RUNDC3A: variants seen among roughly 807,000 people sequenced by gnomAD.
RUNDC3A encodes RUN domain containing 3A.
RUNDC3A carries 28 observed loss-of-function variants against 53.9 expected under a neutral mutation model. The ratio of observed to expected loss-of-function variants is 0.52; its 90% CI spans 0.38 to 0.71. RUNDC3A has a LOEUF of 0.71. Ranked by LOEUF, RUNDC3A falls within the 30% of genes least tolerant of loss-of-function variation. The pLI is 0.00. For missense variants in RUNDC3A, 491 were observed against 597.3 expected (o/e 0.82, Z 1.85); for synonymous variants, 232 against 249.4 (o/e 0.93, Z 0.66).
chr17:44,314,206 G>A (rs2047807014), intron 4 of RUNDC3A: 1 of 999,656 alleles, frequency 1.0e-6, no homozygotes, highest in Non-Finnish European at 1.2e-6. Context: ...TATATGGGGA[G>A]TTCAATCCCT....
At chr17:44,317,995 C>G in intron 10 of RUNDC3A, 101 bp from the exon 11 acceptor site, 1 of 1,254,982 alleles carries the variant, frequency 8.0e-7, no homozygotes, top group South Asian at 1.4e-5. Context: ...GCCAAGGTCT[C>G]CTGGGGGGTG....
At chr17:44,312,868 C>T (rs1311705725) in intron 2 of RUNDC3A, among the ~76,000 whole-genome samples, 173 bp downstream of exon 2, 1 of 152,136 alleles carries the variant, frequency 6.6e-6, no homozygotes, top group Non-Finnish European at 1.5e-5. Context: ...ACCCTGGCCC[C>T]CATTCTGGGC....
rs2047830429 is a variant in RUNDC3A at position 44,315,090 on chromosome 17, G to A, written c.630-65G>A. 6.2e-7 allele frequency: 1 copy of A among 1,607,332 alleles called. No homozygotes were observed. Among genetic ancestry groups the A allele is most frequent in the Admixed American group, 1.7e-5 (1 of 59,486 alleles). Reference sequence around the variant, plus strand: ...GGACGTCCTGGTCCCACCGCCCTCAGCGGCCAGCGCAGACGCGCGGGGGGA... The same window carrying A: ...GGACGTCCTGGTCCCACCGCCCTCAACGGCCAGCGCAGACGCGCGGGGGGA... On this transcript the variant is annotated intron_variant, in intron 6 of 10. Coordinates refer to ENST00000426726, the MANE Select transcript of RUNDC3A (RefSeq NM_001144825.2). This position sits in a 1 kb window ranked among gnomAD's most constrained non-coding sequence, Gnocchi z 6.1.
At chr17:44,311,487 G>C (rs2047746224) in intron 1 of RUNDC3A, 1 of 343,156 alleles carries the variant, frequency 2.9e-6, no homozygotes, top group Non-Finnish European at 4.1e-6. Context: ...AATACTAAGA[G>C]GACCTACCTT....
Position 44,318,474 on chromosome 17 carries a change from T to TG in RUNDC3A, c.*240dup. On this transcript the variant is annotated 3_prime_UTR_variant, in exon 11 of 11. Coordinates refer to ENST00000426726, the MANE Select transcript of RUNDC3A (RefSeq NM_001144825.2). The stretch of plus-strand genomic sequence containing the variant: ...GGGTGCCCAAGCCACAGGGAGCCCC[T>TG]GGGGAAGCCTGCTCCATTCTTCTGG... 1 of 543,988 alleles carries TG rather than the reference T, an allele frequency of 1.8e-6. No individual in the cohort carries two copies. The allele number at this position is 543,988 out of a possible 1,614,324, so 33.7% of individuals were successfully genotyped here. A position where few individuals can be genotyped will look rare whatever the true frequency, so the allele number is the denominator to read the frequency against.
rs1279628098 is a variant in RUNDC3A at position 44,315,482 on chromosome 17, G to A, written c.826G>A (p.Glu276Lys). ...GYLEELVRLR[E>K]SQLKDLEAEN... The stretch of plus-strand genomic sequence containing the variant: ...CCTGGAGGAGCTGGTGCGTCTGCGC[G>A]AGTCGCAGCTGAAGGACCTGGAGGC... Residue 276 changes from glutamate to lysine, a missense_variant, in exon 8 of 11, where the codon GAG becomes AAG. By Grantham distance (56) the Glu-to-Lys change is moderately conservative. Transcript: ENST00000426726. This position sits in a 1 kb window ranked among gnomAD's most constrained non-coding sequence, Gnocchi z 6.1. 1 of 1,505,042 alleles carries A rather than the reference G, an allele frequency of 6.6e-7. No homozygotes were observed. The highest frequency in any genetic ancestry group is 8.9e-7 in the Non-Finnish European group (1 of 1,127,878). The allele number at this position is 1,505,042 out of a possible 1,614,324, so 93.2% of individuals were successfully genotyped here.
rs2047895728 is a variant in RUNDC3A at position 44,317,655 on chromosome 17, T to TG, written c.1199-440dup. The TG allele has an allele frequency of 4.3e-6, 3 of 692,486 alleles. No homozygotes were observed. In the Admixed American group the frequency reaches 6.2e-5, roughly 14 times the overall value. 42.9% of individuals were successfully genotyped at this position (692,486 alleles called of 1,614,324 possible). A position where few individuals can be genotyped will look rare whatever the true frequency, so the allele number is the denominator to read the frequency against. On this transcript the variant is annotated intron_variant, in intron 10 of 10. Transcript: ENST00000426726. ...TTATAAGCAACCACACTGTATTGGA[T>TG]GACCCTAGATCTTCTTTGAGACAAG...
In RUNDC3A at chr17:44,315,546, C is replaced by A. The variant is rs772174602; in HGVS notation, c.890C>A (p.Ala297Glu). Residue 297 changes from alanine (A) to glutamate (E), a missense_variant, in exon 8 of 11, where the codon GCG (alanine) becomes GAG (glutamate). Ala to Glu is a moderately radical substitution (Grantham distance 107, BLOSUM62 -1). This residue lies in a region of RUNDC3A where 218 missense variants were observed against 208.2 expected (regional missense o/e 1.05). Coordinates refer to ENST00000426726, the MANE Select transcript of RUNDC3A (RefSeq NM_001144825.2). This position sits in a 1 kb window ranked among gnomAD's most constrained non-coding sequence, Gnocchi z 6.1. Reference sequence around the variant, plus strand: ...CTTCAGCTGCAGCTGGAGGAGGCGGCGGCGCAGAACCAGCGCGAGAAACGG... The same window carrying A: ...CTTCAGCTGCAGCTGGAGGAGGCGGAGGCGCAGAACCAGCGCGAGAAACGG... ...RRLQLQLEEA[A>E]AQNQREKREL... 1.3e-6 allele frequency: 2 copies of A among 1,514,576 alleles called. No individual in the cohort carries two copies. Among genetic ancestry groups the A allele is most frequent in the South Asian group, 2.5e-5 (2 of 80,312 alleles). 93.8% of individuals were successfully genotyped at this position (1,514,576 alleles called of 1,614,324 possible).
chr17:44,315,486 C>A lies in RUNDC3A; in HGVS notation c.830C>A (p.Ser277Ter). Reference sequence around the variant, plus strand: ...GAGGAGCTGGTGCGTCTGCGCGAGTCGCAGCTGAAGGACCTGGAGGCGGAG... The same window carrying A: ...GAGGAGCTGGTGCGTCTGCGCGAGTAGCAGCTGAAGGACCTGGAGGCGGAG... ...YLEELVRLRE[S>*]QLKDLEAENR... The change falls in exon 8 of 11, where the codon TCG becomes TAG. Residue 277 changes from serine (S) to a stop codon, truncating the protein, a stop_gained. Coordinates refer to ENST00000426726, the MANE Select transcript of RUNDC3A (RefSeq NM_001144825.2). LOFTEE classifies it high-confidence loss of function. This position sits in a 1 kb window ranked among gnomAD's most constrained non-coding sequence, Gnocchi z 6.1. 1 of 1,508,166 alleles carries A rather than the reference C, an allele frequency of 6.6e-7. No homozygotes were observed. The highest frequency in any genetic ancestry group is 1.3e-5 in the South Asian group (1 of 79,474). The allele number at this position is 1,508,166 out of a possible 1,614,324, so 93.4% of individuals were successfully genotyped here. A position where few individuals can be genotyped will look rare whatever the true frequency, so the allele number is the denominator to read the frequency against.
At position 44,313,258 on chromosome 17, in the gene RUNDC3A, G is replaced by C; in HGVS notation, c.372+6G>C. 2 of 1,613,676 alleles carry C rather than the reference G, an allele frequency of 1.2e-6. No homozygotes were observed. The highest frequency in any genetic ancestry group is 1.7e-6 in the Non-Finnish European group (2 of 1,179,654). ...TCAGCACAGCCCGGGCCAAGGTGAGGGGCCTGAAGCAAGCAACTGCTCTCT... is the reference window on the plus strand; with the variant it reads ...TCAGCACAGCCCGGGCCAAGGTGAGCGGCCTGAAGCAAGCAACTGCTCTCT... On this transcript the variant is annotated splice_donor_region_variant and intron_variant, in intron 3 of 10. Coordinates refer to ENST00000426726, the MANE Select transcript of RUNDC3A (RefSeq NM_001144825.2).
chr17:44,312,497 G>A, intron 1 of RUNDC3A, 83 bp from the exon 2 acceptor site: 1 of 749,762 alleles, frequency 1.3e-6, no homozygotes, highest in Non-Finnish European at 2.3e-6. Flanking sequence ...TTTCTTCTCT[G>A]CCGGTTGCTC....
chr17:44,313,633 G>A (rs2047793864), intron 4 of RUNDC3A, 130 bp downstream of exon 4: 3 of 1,400,182 alleles, frequency 2.1e-6, no homozygotes, highest in Non-Finnish European at 1.9e-6. Flanking sequence ...AGCACACATG[G>A]CTGATTTCCC....
chr17:44,314,674 TGGGGGGGG>T, intron 4 of RUNDC3A, 53 bp from the exon 5 acceptor site: 3 of 839,746 alleles, frequency 3.6e-6, no homozygotes, highest in Non-Finnish European at 4.8e-6. Context: ...ATAGCAGCTC[TGGGGGGGG>T]GGGGGGCGCT....
intron 10 of RUNDC3A, chr17:44,317,246 T>A (rs931689749): frequency 2.7e-5 from 16 of 598,374 alleles, no homozygotes; most frequent in Non-Finnish European, 4.2e-5. Flanking sequence ...TGGCTGTGCC[T>A]CCTCTGACCA....
In RUNDC3A at chr17:44,312,614, G is replaced by T. The variant is rs374790810; in HGVS notation, c.142G>T (p.Ala48Ser). 6.3e-7 allele frequency: 1 copy of T among 1,582,110 alleles called. No individual in the cohort carries two copies. Among genetic ancestry groups the T allele is most frequent in the Non-Finnish European group, 8.6e-7 (1 of 1,164,352 alleles). Residue 48 changes from alanine (A) to serine (S), a missense_variant, in exon 2 of 11, where the codon GCG becomes TCG. Ala to Ser is a moderately conservative substitution (Grantham distance 99, BLOSUM62 1). Around this residue, in one of 2 missense-constraint regions of RUNDC3A, gnomAD observed 273 missense variants for 389.0 expected, o/e 0.70. Transcript: ENST00000426726. ...GAAAACGCTGCTGGAGAAGTACACA[G>T]CGGAGCCCATCGATGACTCATCGGA... ...SVKTLLEKYT[A>S]EPIDDSSEEF...
chr17:44,313,883 T>C lies in RUNDC3A; in HGVS notation c.458+380T>C, dbSNP rs1389330797. 8.5e-6 allele frequency: 7 copies of C among 826,120 alleles called. No individual in the cohort carries two copies. In the African/African-American group the frequency reaches 1.1e-4, roughly 13 times the overall value. 51.2% of individuals were successfully genotyped at this position (826,120 alleles called of 1,614,324 possible). A position where few individuals can be genotyped will look rare whatever the true frequency, so the allele number is the denominator to read the frequency against. On this transcript the variant is annotated intron_variant, in intron 4 of 10. Coordinates refer to ENST00000426726, the MANE Select transcript of RUNDC3A (RefSeq NM_001144825.2). ...TTTAGTTTCTCCATGTTGGTCAGGCTGGTCTCAAACTCCCAACCTCAGGTG... is the reference window on the plus strand; with the variant it reads ...TTTAGTTTCTCCATGTTGGTCAGGCCGGTCTCAAACTCCCAACCTCAGGTG...
intron 1 of RUNDC3A, 50 bp downstream of exon 1, chr17:44,308,989 G>C: frequency 7.6e-7 from 1 of 1,317,134 alleles, no homozygotes; most frequent in South Asian, 1.3e-5. Flanking sequence ...AGAGGGGTTG[G>C]GGTGGACTGC....
Position 44,312,604 on chromosome 17 carries a change from G to T in RUNDC3A, c.132G>T (p.Glu44Asp). The T allele has an allele frequency of 6.3e-7, 1 of 1,577,458 alleles. No individual in the cohort carries two copies. The highest frequency in any genetic ancestry group is 8.6e-7 in the Non-Finnish European group (1 of 1,161,758). ...GGTTCTCTGTGAAAACGCTGCTGGA[G>T]AAGTACACAGCGGAGCCCATCGATG... ...VCRFSVKTLLEKYTAEPIDDS... is the reference protein window; with the variant it reads ...VCRFSVKTLLDKYTAEPIDDS... Residue 44 changes from glutamate to aspartate, a missense_variant, in exon 2 of 11, where the codon GAG becomes GAT. By Grantham distance (45) the Glu-to-Asp change is conservative. Coordinates refer to ENST00000426726, the MANE Select transcript of RUNDC3A (RefSeq NM_001144825.2).
rs2047822925 is a variant in RUNDC3A at position 44,314,767 on chromosome 17, G to A, written c.491G>A (p.Arg164Gln). The change falls in exon 5 of 11, where the codon CGG becomes CAG. Residue 164 changes from arginine (R) to glutamine (Q), a missense_variant. Arg to Gln is a conservative substitution (Grantham distance 43). Around this residue, in one of 2 missense-constraint regions of RUNDC3A, gnomAD observed 273 missense variants for 389.0 expected, o/e 0.70. Coordinates refer to ENST00000426726, the MANE Select transcript of RUNDC3A (RefSeq NM_001144825.2). The part of the protein sequence containing the change: ...RFYDSGAIML[R>Q]DEATILTGML... ...TATGACTCTGGAGCCATCATGCTGCGGGATGAAGCCACCATCCTCACCGGA... is the reference window on the plus strand; with the variant it reads ...TATGACTCTGGAGCCATCATGCTGCAGGATGAAGCCACCATCCTCACCGGA... 2 of 1,613,102 alleles carry A rather than the reference G, an allele frequency of 1.2e-6. No homozygotes were observed. Among genetic ancestry groups the A allele is most frequent in the East Asian group, 2.2e-5 (1 of 44,804 alleles).
Sources: gnomAD v4.1 joint callset for allele counts (sites outside exome capture counted in the v4.1 genomes callset) on GRCh38, gnomAD v4.1.1 for gene constraint, gnomAD v4.1.1 regional missense constraint, Gnocchi (gnomAD v3.1) non-coding constraint, MANE v1.5 for transcripts, NCBI Gene and HGNC (gene_info 2026-07-23, HGNC 2026-07-21) for gene names.